The following SYNDIG1L variants were observed in gnomAD, a reference collection of about 807,000 sequenced individuals.
SYNDIG1L encodes synapse differentiation-inducing gene protein 1-like.
Under a neutral mutation model 20.1 loss-of-function variants are expected in SYNDIG1L, and 13 were observed. That is an observed-to-expected ratio of 0.65 (90% confidence interval 0.42 to 1.03). The LOEUF is 1.03. Ranked by LOEUF, SYNDIG1L falls within the 50% of genes least tolerant of loss-of-function variation. The pLI is 0.00. For missense variants in SYNDIG1L, 294 were observed against 305.1 expected (o/e 0.96, Z 0.27); for synonymous variants, 128 against 129.3 (o/e 0.99, Z 0.07).
the SYNDIG1L span, among the ~76,000 whole-genome samples, chr14:74,460,537 A>G: frequency 4.6e-5 from 7 of 151,946 alleles, no homozygotes; most frequent in East Asian, 1.2e-3. Flanking sequence ...TCAAACTACA[A>G]CTGCCTGTGA....
At chr14:74,466,019 C>T in the SYNDIG1L span, among the ~76,000 whole-genome samples, 4 of 152,206 alleles carry the variant, frequency 2.6e-5, no homozygotes, top group Admixed American at 6.5e-5. Context: ...CTCATAGGAA[C>T]GGTCCATTAT....
At chr14:74,408,295 G>C (rs141663688) in intron 2 of SYNDIG1L, among the ~76,000 whole-genome samples, 1 of 152,160 alleles carries the variant, frequency 6.6e-6, no homozygotes, top group African/African-American at 2.4e-5. Context: ...CAGTCACAGC[G>C]GCTCACACCT....
the SYNDIG1L span, among the ~76,000 whole-genome samples, chr14:74,473,648 C>T: frequency 5.9e-5 from 9 of 152,290 alleles, no homozygotes; most frequent in African/African-American, 2.2e-4. Flanking sequence ...GCTAGCTTCT[C>T]TCATTAGACT....
the SYNDIG1L span, chr14:74,476,634 G>A: frequency 1.3e-5 from 19 of 1,467,496 alleles, no homozygotes; most frequent in East Asian, 2.7e-4. Flanking sequence ...TGCCCCAGTC[G>A]AGAGGAGCTG....
chr14:74,462,037 G>A, the SYNDIG1L span, among the ~76,000 whole-genome samples: 1 of 143,420 alleles, frequency 7.0e-6, no homozygotes, highest in Non-Finnish European at 1.5e-5. Context: ...AGTGAGCCGA[G>A]TTCAAACCAC....
chr14:74,453,069 A>G, the SYNDIG1L span, among the ~76,000 whole-genome samples: 1 of 152,270 alleles, frequency 6.6e-6, no homozygotes, highest in East Asian at 1.9e-4. Context: ...GTTGTTGGCC[A>G]GGTGCAGTGG....
chr14:74,418,625 C>A (rs2086196834), intron 1 of SYNDIG1L, among the ~76,000 whole-genome samples: 1 of 152,304 alleles, frequency 6.6e-6, no homozygotes, highest in South Asian at 2.1e-4. Flanking sequence ...AAAAGTGATG[C>A]TATGTGACTT....
the SYNDIG1L span, among the ~76,000 whole-genome samples, chr14:74,432,523 T>G: frequency 6.6e-6 from 1 of 152,144 alleles, no homozygotes; most frequent in South Asian, 2.1e-4. Context: ...TGAGCCAGGT[T>G]GGGCACTGGA....
chr14:74,410,620 A>T (rs1347450634), intron 1 of SYNDIG1L, among the ~76,000 whole-genome samples: 2 of 152,052 alleles, frequency 1.3e-5, no homozygotes, highest in African/African-American at 4.8e-5. Flanking sequence ...AGTGGTGTAG[A>T]TGGAGGAAAG....
the SYNDIG1L span, among the ~76,000 whole-genome samples, chr14:74,469,088 C>T: frequency 1.3e-5 from 2 of 151,970 alleles, no homozygotes; most frequent in Admixed American, 6.5e-5. Context: ...GGCTGCAGAC[C>T]GACTGCAGCC....
chr14:74,455,352 G>A, the SYNDIG1L span, among the ~76,000 whole-genome samples: 1 of 151,852 alleles, frequency 6.6e-6, no homozygotes, highest in South Asian at 2.1e-4. Flanking sequence ...AGCTGTGCCT[G>A]GCTGGAGCAG....
chr14:74,462,401 C>A, the SYNDIG1L span, among the ~76,000 whole-genome samples: 1 of 150,436 alleles, frequency 6.6e-6, no homozygotes, highest in Non-Finnish European at 1.5e-5. Context: ...GGATAATCAC[C>A]TGAATCCGGG....
At position 74,407,941 on chromosome 14, in the gene SYNDIG1L, G is replaced by T. The variant is rs199505110; in HGVS notation, c.466C>A (p.Leu156Met). 1 of 1,613,826 alleles carries T rather than the reference G, an allele frequency of 6.2e-7. No individual in the cohort carries two copies. Among genetic ancestry groups the T allele is most frequent in the East Asian group, 2.2e-5 (1 of 44,886 alleles). The change falls in exon 3 of 4, where the codon CTG (leucine) becomes ATG (methionine). Residue 156 changes from leucine (L) to methionine (M), a missense_variant. Physicochemically the swap from Leu to Met is conservative, Grantham distance 15 (BLOSUM62 2). Coordinates refer to ENST00000331628, the MANE Select transcript of SYNDIG1L (RefSeq NM_001105579.2). ...AGTCCCAGGTGGTCCCTGGGAGGCA[G>T]CGTGAGGAAGTTGTCTTCACTTTCA... The part of the protein sequence containing the change: ...ESESEDNFLT[L>M]PPRDHLGLTL...
the SYNDIG1L span, among the ~76,000 whole-genome samples, chr14:74,442,117 CT>C: frequency 6.1e-4 from 91 of 148,704 alleles, no homozygotes; most frequent in African/African-American, 1.8e-3. Flanking sequence ...AAAATAGTAC[CT>C]TTTTTTTTTA....
the SYNDIG1L span, among the ~76,000 whole-genome samples, chr14:74,445,117 C>T: frequency 6.6e-6 from 1 of 152,118 alleles, no homozygotes; most frequent in Non-Finnish European, 1.5e-5. Flanking sequence ...TCTATGAGTT[C>T]ACATGAGACC....
chr14:74,438,070 A>T, the SYNDIG1L span, among the ~76,000 whole-genome samples: 1 of 152,164 alleles, frequency 6.6e-6, no homozygotes, highest in African/African-American at 2.4e-5. Context: ...ATTTTTTCAG[A>T]TTTTAACAAG....
intron 1 of SYNDIG1L, among the ~76,000 whole-genome samples, chr14:74,416,422 C>T (rs1048296710): frequency 6.6e-6 from 1 of 152,052 alleles, no homozygotes; most frequent in African/African-American, 2.4e-5. Flanking sequence ...TCAGTTGAGC[C>T]TAGGAGTTCA....
In SYNDIG1L at chr14:74,409,670, G is replaced by A; in HGVS notation, c.75C>T (p.Tyr25=). ...SPAHLHGPYP[Y]PETPPSWSCQ... ...AGGACCAGCTGGGTGGGGTCTCCGG[G>A]TAGGGATAGGGGCCATGGAGATGGG... The change falls in exon 2 of 4, where the codon TAC becomes TAT. Residue 25 remains tyrosine (Y), a synonymous_variant. Coordinates refer to ENST00000331628, the MANE Select transcript of SYNDIG1L (RefSeq NM_001105579.2). 6.7e-7 allele frequency: 1 copy of A among 1,499,420 alleles called. No homozygotes were observed. Among genetic ancestry groups the A allele is most frequent in the Non-Finnish European group, 8.9e-7 (1 of 1,125,238 alleles). The allele number at this position is 1,499,420 out of a possible 1,614,324, so 92.9% of individuals were successfully genotyped here.
chr14:74,432,593 C>A, the SYNDIG1L span, among the ~76,000 whole-genome samples: 5 of 152,202 alleles, frequency 3.3e-5, no homozygotes, highest in Admixed American at 3.3e-4. Context: ...AGGTGGCTCA[C>A]GCCTGTAATC....
Sources: gnomAD v4.1 joint callset for allele counts (sites outside exome capture counted in the v4.1 genomes callset) on GRCh38, gnomAD v4.1.1 for gene constraint, MANE v1.5 for transcripts, NCBI Gene and HGNC (gene_info 2026-07-23, HGNC 2026-07-21) for gene names.